The following RBMS1 variants were observed in gnomAD, a reference collection of about 807,000 sequenced individuals.
RBMS1 encodes RNA-binding motif, single-stranded-interacting protein 1.
Under a neutral mutation model 62.3 loss-of-function variants are expected in RBMS1, and 17 were observed. That is an observed-to-expected ratio of 0.27 (90% CI 0.19 to 0.41). The LOEUF is 0.41. Ranked by LOEUF, RBMS1 falls within the 10% of genes least tolerant of loss-of-function variation. RBMS1 has a pLI of 1.00. For synonymous variants in RBMS1, 172 were observed against 170.0 expected (o/e 1.01, Z -0.09); for missense variants, 334 against 504.5 (o/e 0.66, Z 3.24).
intron 1 of RBMS1, among the ~76,000 whole-genome samples, chr2:160,409,782 T>G (rs971622145): frequency 2.0e-5 from 3 of 152,196 alleles, no homozygotes; most frequent in African/African-American, 7.2e-5. Context: ...TTGGATGCTG[T>G]GCAATCCAGA....
At position 160,308,186 on chromosome 2, in the gene RBMS1, G is replaced by A. The variant is rs567037243; in HGVS notation, c.403-4699C>T. On this transcript the variant is annotated intron_variant, in intron 4 of 13. Coordinates refer to ENST00000348849, the MANE Select transcript of RBMS1 (RefSeq NM_016836.4). ...AGGCAGGTGGATTGCTTGAGCTCAC[G>A]AGTGCGAGACCAGCCTGGGCAACAT... 3.4e-4 allele frequency among the ~76,000 whole-genome samples: 52 copies of A among 152,174 alleles called. 2 individuals carry two copies. Among genetic ancestry groups the A allele is most frequent in the South Asian group, 6.2e-4 (3 of 4,818 alleles).
chr2:160,327,299 A>C (rs1690990075), intron 2 of RBMS1, among the ~76,000 whole-genome samples: 1 of 152,206 alleles, frequency 6.6e-6, no homozygotes. Flanking sequence ...ATGTCTTACC[A>C]ACATGCCTGG....
At chr2:160,381,178 A>T (rs1451785108) in intron 1 of RBMS1, among the ~76,000 whole-genome samples, 1 of 152,176 alleles carries the variant, frequency 6.6e-6, no homozygotes, top group Non-Finnish European at 1.5e-5. Flanking sequence ...GCTCATATGC[A>T]AATCCTGGAT....
intron 1 of RBMS1, among the ~76,000 whole-genome samples, chr2:160,487,445 T>TA (rs1685643053): frequency 6.6e-6 from 1 of 152,212 alleles, no homozygotes; most frequent in African/African-American, 2.4e-5. Context: ...GGAGAGCAGG[T>TA]ACCAGATATT....
rs759261412 is a variant in RBMS1, at chr2:160,313,224, T to C, written c.334A>G (p.Ser112Gly). ...CKGYGFVDFD[S>G]PAAAQKAVSA... ...ACAGCTTTTTGAGCTGCTGCAGGGC[T>C]GTCAAAGTCGACAAAACCATAACCT... The change falls in exon 4 of 14, where the codon AGC (serine) becomes GGC (glycine). Residue 112 changes from serine to glycine, a missense_variant. Transcript: ENST00000348849. The C allele has an allele frequency of 3.1e-6, 5 of 1,613,430 alleles. No individual in the cohort carries two copies. In the Admixed American group the frequency reaches 8.3e-5, roughly 27 times the overall value.
intron 1 of RBMS1, among the ~76,000 whole-genome samples, chr2:160,424,367 G>GC (rs1208768494): frequency 3.7e-5 from 2 of 54,444 alleles, no homozygotes; most frequent in African/African-American, 7.3e-5. Flanking sequence ...TGAGAGATTG[G>GC]GGGGGGGGGG....
Position 160,462,445 on chromosome 2 carries a change from A to T in RBMS1, c.75+30844T>A, listed in dbSNP as rs79558549. On this transcript the variant is annotated intron_variant, in intron 1 of 13. Transcript: ENST00000348849. ...AAGAAGAAAAGGTGCTATTTTGTTG[A>T]AAAAGCACAGTGAGTGGTATCTGGG... Among the ~76,000 whole-genome samples the T allele has an allele frequency of 2.0e-5, 3 of 152,314 alleles. 1 individual carries two copies. The South Asian group carries it at 6.2e-4, about 32-fold the overall frequency.
chr2:160,387,635 C>G (rs2105203184), intron 1 of RBMS1, among the ~76,000 whole-genome samples: 1 of 152,086 alleles, frequency 6.6e-6, no homozygotes, highest in Non-Finnish European at 1.5e-5. Context: ...AAAGGGTCAA[C>G]AAAAAGAAAG....
At chr2:160,451,789 A>G (rs1007564206) in intron 1 of RBMS1, among the ~76,000 whole-genome samples, 13 of 152,096 alleles carry the variant, frequency 8.5e-5, no homozygotes, top group African/African-American at 3.1e-4. Context: ...TTGTATTTTT[A>G]GTACAGATGG....
chr2:160,439,463 C>T (rs552841089), intron 1 of RBMS1, among the ~76,000 whole-genome samples: 148 of 151,624 alleles, frequency 9.8e-4, no homozygotes, highest in African/African-American at 3.3e-3. Context: ...GATGGGCAGC[C>T]GGGCAGAGAC....
intron 2 of RBMS1, among the ~76,000 whole-genome samples, chr2:160,350,903 T>G (rs935219866): frequency 2.6e-5 from 4 of 152,118 alleles, no homozygotes; most frequent in African/African-American, 7.2e-5. Flanking sequence ...GGTATTTCTA[T>G]TTCTAGATCC....
At chr2:160,418,649 C>G (rs1343972353) in intron 1 of RBMS1, among the ~76,000 whole-genome samples, 1 of 152,128 alleles carries the variant, frequency 6.6e-6, no homozygotes, top group African/African-American at 2.4e-5. Context: ...TCCTTTTAGT[C>G]ATTTAACTGC....
At chr2:160,470,121 A>T (rs770044183) in intron 1 of RBMS1, among the ~76,000 whole-genome samples, 5 of 152,158 alleles carry the variant, frequency 3.3e-5, no homozygotes, top group Non-Finnish European at 7.4e-5. Context: ...ACAGCTCCAC[A>T]TCACACTCCC....
intron 2 of RBMS1, among the ~76,000 whole-genome samples, chr2:160,339,839 G>A (rs887428364): frequency 6.6e-6 from 1 of 152,108 alleles, no homozygotes; most frequent in Admixed American, 6.6e-5. Context: ...TCTTTGCATT[G>A]ATGTTTAGAT....
intron 1 of RBMS1, among the ~76,000 whole-genome samples, chr2:160,436,964 T>C (rs116472224): frequency 2.6e-4 from 39 of 152,154 alleles, no homozygotes; most frequent in African/African-American, 9.2e-4. Flanking sequence ...ATACAGAAAT[T>C]TGAAGGGCAA....
intron 1 of RBMS1, among the ~76,000 whole-genome samples, chr2:160,415,828 T>C (rs754869846): frequency 6.6e-6 from 1 of 152,090 alleles, no homozygotes; most frequent in Non-Finnish European, 1.5e-5. Context: ...TTAAATTAGG[T>C]CTATTTCATT....
At chr2:160,352,906 A>C (rs1217389216) in intron 2 of RBMS1, among the ~76,000 whole-genome samples, 1 of 152,156 alleles carries the variant, frequency 6.6e-6, no homozygotes, top group African/African-American at 2.4e-5. Flanking sequence ...ATTATGAGGC[A>C]CGTGAATAGC....
chr2:160,380,258 G>A (rs906493307), intron 1 of RBMS1, among the ~76,000 whole-genome samples: 10 of 152,100 alleles, frequency 6.6e-5, no homozygotes, highest in Non-Finnish European at 1.2e-4. Flanking sequence ...TAGTGACGGG[G>A]AGCAGCTCTC....
intron 1 of RBMS1, among the ~76,000 whole-genome samples, chr2:160,398,848 C>T (rs375287114): frequency 2.2e-3 from 333 of 152,282 alleles, no homozygotes; most frequent in African/African-American, 7.4e-3. Flanking sequence ...CCTCCCCATC[C>T]AGCCAGTCAC....
Sources: gnomAD v4.1 joint callset for allele counts (sites outside exome capture counted in the v4.1 genomes callset) on GRCh38, gnomAD v4.1.1 for gene constraint, MANE v1.5 for transcripts, NCBI Gene and HGNC (gene_info 2026-07-23, HGNC 2026-07-21) for gene names.